The following EPS8 variants were observed in gnomAD, a reference collection of about 807,000 sequenced individuals.
The protein encoded by EPS8 is EGFR pathway substrate 8, signaling adaptor.
Under a neutral mutation model 103.8 loss-of-function variants are expected in EPS8, and 42 were observed. The observed-to-expected ratio is 0.40, with a 90% CI of 0.32 to 0.52. EPS8 has a LOEUF of 0.52. Ranked by LOEUF, EPS8 falls within the 20% of genes least tolerant of loss-of-function variation. The pLI, the probability that EPS8 is intolerant of heterozygous loss-of-function variation, is 0.40. For missense variants in EPS8, 969 were observed against 1,005.1 expected (o/e 0.96, Z 0.49); for synonymous variants, 344 against 344.6 (o/e 1.00, Z 0.02).
chr12:15,657,674 A>C (rs918252100), intron 12 of EPS8, among the ~76,000 whole-genome samples: 2 of 152,238 alleles, frequency 1.3e-5, no homozygotes, highest in African/African-American at 4.8e-5. Flanking sequence ...GATAAAAAGA[A>C]CATGGGTCTC....
chr12:15,657,492 AC>A (rs1438776170), intron 12 of EPS8, among the ~76,000 whole-genome samples: 1 of 152,118 alleles, frequency 6.6e-6, no homozygotes, highest in Admixed American at 6.6e-5. Context: ...GTTATTGGCT[AC>A]CCCACTATGT....
chr12:15,755,343 C>A (rs1946975593), intron 1 of EPS8, among the ~76,000 whole-genome samples: 1 of 152,092 alleles, frequency 6.6e-6, no homozygotes, highest in African/African-American at 2.4e-5. Flanking sequence ...AACTGAGATA[C>A]TGTTGTTGGA....
rs1215076139 is a variant in EPS8 at position 15,714,751 on chromosome 12, C to A, written c.-21-31779G>T. Among the ~76,000 whole-genome samples, 24 of 152,192 alleles carry A rather than the reference C, an allele frequency of 1.6e-4. No homozygotes were observed. The highest frequency in any genetic ancestry group is 1.5e-3 in the Admixed American group (23 of 15,286). On this transcript the variant is annotated intron_variant, in intron 1 of 20. Coordinates refer to ENST00000281172, the MANE Select transcript of EPS8 (RefSeq NM_004447.6). The surrounding 1 kb of genome is among the most constrained non-coding windows in gnomAD (Gnocchi z 4.1). ...ACAAAAATACATTCTCTGTATAGTG[C>A]ACTCAGAGTTTTCATCAGGTTTCTA...
intron 17 of EPS8, among the ~76,000 whole-genome samples, chr12:15,637,602 G>A (rs1392776824): frequency 1.3e-5 from 2 of 152,216 alleles, no homozygotes; most frequent in Non-Finnish European, 2.9e-5. Context: ...GAGTATCTGT[G>A]AATGTTGTTT....
chr12:15,766,858 C>T (rs1393080095), intron 1 of EPS8, among the ~76,000 whole-genome samples: 3 of 152,150 alleles, frequency 2.0e-5, no homozygotes, highest in Non-Finnish European at 2.9e-5. Flanking sequence ...GCCAAAATCA[C>T]TCAGTCATTA....
At position 15,688,524 on chromosome 12, in the gene EPS8, G is replaced by T. The variant is rs1946126681; in HGVS notation, c.-21-5552C>A. Among the ~76,000 whole-genome samples, 1 of 152,090 alleles carries T rather than the reference G, an allele frequency of 6.6e-6. No homozygotes were observed. Among genetic ancestry groups the T allele is most frequent in the Non-Finnish European group, 1.5e-5 (1 of 68,024 alleles). On this transcript the variant is annotated intron_variant, in intron 1 of 20. Transcript: ENST00000281172. This position sits in a 1 kb window ranked among gnomAD's most constrained non-coding sequence, Gnocchi z 5.1. ...TGCCTATAAACACCCTGAGAACCTA[G>T]CAGGCAGGCACATAAGCAGCTGGAC...
At chr12:15,641,038 T>A (rs1591811646) in intron 16 of EPS8, among the ~76,000 whole-genome samples, 192 bp from the exon 17 acceptor site, 4 of 152,156 alleles carry the variant, frequency 2.6e-5, no homozygotes, top group Non-Finnish European at 5.9e-5. Context: ...TAAGGTATCA[T>A]TATGGTGAAT....
Position 15,688,854 on chromosome 12 carries a change from G to A in EPS8, c.-21-5882C>T, listed in dbSNP as rs1015603960. 3.3e-5 allele frequency among the ~76,000 whole-genome samples: 5 copies of A among 152,186 alleles called. No homozygotes were observed. Among genetic ancestry groups the A allele is most frequent in the African/African-American group, 1.2e-4 (5 of 41,452 alleles). Reference sequence around the variant, plus strand: ...GATCTAATTGAGCTGGTTAACACAAGCTGTCTATAGACAGCAAAACTAAAA... The same window carrying A: ...GATCTAATTGAGCTGGTTAACACAAACTGTCTATAGACAGCAAAACTAAAA... On this transcript the variant is annotated intron_variant, in intron 1 of 20. Transcript: ENST00000281172. This position sits in a 1 kb window ranked among gnomAD's most constrained non-coding sequence, Gnocchi z 5.1.
At chr12:15,661,698 T>C (rs1297995539) in intron 9 of EPS8, among the ~76,000 whole-genome samples, 1 of 152,174 alleles carries the variant, frequency 6.6e-6, no homozygotes, top group African/African-American at 2.4e-5. Flanking sequence ...TAAAAAGATA[T>C]TTCAATTATG....
intron 1 of EPS8, among the ~76,000 whole-genome samples, chr12:15,737,678 G>C (rs1177269105): frequency 1.3e-5 from 2 of 152,086 alleles, no homozygotes; most frequent in Non-Finnish European, 2.9e-5. Context: ...CAGAAAGTCC[G>C]GCTTCAGAGC....
intron 1 of EPS8, among the ~76,000 whole-genome samples, chr12:15,720,226 G>A (rs1227798829): frequency 2.0e-5 from 3 of 152,038 alleles, no homozygotes; most frequent in Non-Finnish European, 4.4e-5. Flanking sequence ...GTAATAAATG[G>A]TAGATTTAAA....
At position 15,757,187 on chromosome 12, in the gene EPS8, C is replaced by T. The variant is rs566884216; in HGVS notation, c.-22+31974G>A. On this transcript the variant is annotated intron_variant, in intron 1 of 20. Coordinates refer to ENST00000281172, the MANE Select transcript of EPS8 (RefSeq NM_004447.6). The surrounding 1 kb of genome is among the most constrained non-coding windows in gnomAD (Gnocchi z 4.1). ...ATGGAGAGACTGAATAAAATGATTT[C>T]TAAAATTGTTACCATTTTAAATACC... 6.6e-6 allele frequency among the ~76,000 whole-genome samples: 1 copy of T among 152,128 alleles called. No homozygotes were observed. The highest frequency in any genetic ancestry group is 6.5e-5 in the Admixed American group (1 of 15,270).
intron 1 of EPS8, among the ~76,000 whole-genome samples, chr12:15,732,258 T>A (rs917486263): frequency 6.6e-6 from 1 of 152,202 alleles, no homozygotes; most frequent in Non-Finnish European, 1.5e-5. Flanking sequence ...TGATCTACTG[T>A]ATCGAGACCT....
chr12:15,736,616 A>G lies in EPS8; in HGVS notation c.-22+52545T>C, dbSNP rs1269988079. Among the ~76,000 whole-genome samples the G allele has an allele frequency of 6.6e-6, 1 of 152,206 alleles. No individual in the cohort carries two copies. The stretch of plus-strand genomic sequence containing the variant: ...AGGTTCTAATGAAGTTAGTAAGCAA[A>G]TCAATCCGCAGCAGGTTAGAAGCAT... On this transcript the variant is annotated intron_variant, in intron 1 of 20. Transcript: ENST00000281172. This position sits in a 1 kb window ranked among gnomAD's most constrained non-coding sequence, Gnocchi z 4.2.
In EPS8 at chr12:15,666,451, G is replaced by A. The variant is rs145159890; in HGVS notation, c.588C>T (p.Pro196=). The part of the protein sequence containing the change: ...DSKGGKQKRR[P]DALRMISNAD... ...TTCAATGCTTTTACCTCAGGGCGTCGGGCCGCCTCTTCTGTTTCCCTCCTT... is the reference window on the plus strand; with the variant it reads ...TTCAATGCTTTTACCTCAGGGCGTCAGGCCGCCTCTTCTGTTTCCCTCCTT... The change falls in exon 7 of 21, where the codon CCC becomes CCT. Residue 196 remains proline, a synonymous_variant. Coordinates refer to ENST00000281172, the MANE Select transcript of EPS8 (RefSeq NM_004447.6). The A allele has an allele frequency of 2.6e-4, 422 of 1,612,830 alleles. 1 individual carries two copies. The East Asian group carries it at 3.7e-3, about 14-fold the overall frequency.
chr12:15,626,279 C>A (rs1944943619), intron 18 of EPS8, among the ~76,000 whole-genome samples: 1 of 152,256 alleles, frequency 6.6e-6, no homozygotes, highest in South Asian at 2.1e-4. Context: ...TGCTTCCACT[C>A]CCTACCACCC....
intron 1 of EPS8, among the ~76,000 whole-genome samples, chr12:15,712,610 A>G (rs1009433767): frequency 6.6e-6 from 1 of 152,172 alleles, no homozygotes; most frequent in Non-Finnish European, 1.5e-5. Flanking sequence ...AATCCTTTGA[A>G]TCTCCACCTC....
At chr12:15,685,661 T>C (rs1180594777) in intron 1 of EPS8, among the ~76,000 whole-genome samples, 2 of 152,206 alleles carry the variant, frequency 1.3e-5, no homozygotes, top group East Asian at 3.8e-4. Flanking sequence ...CTTTTTGTCA[T>C]TTGGCAATCA....
intron 1 of EPS8, among the ~76,000 whole-genome samples, chr12:15,709,833 G>A (rs115514206): frequency 0.011 from 1,666 of 152,308 alleles, 45 homozygotes; most frequent in African/African-American, 0.038. Context: ...GCAGGAGTAG[G>A]CGGGATGGAT....
Sources: allele counts gnomAD v4.1 joint callset (sites outside exome capture counted in the v4.1 genomes callset), GRCh38; gene constraint gnomAD v4.1.1; non-coding constraint Gnocchi (gnomAD v3.1); transcripts MANE v1.5; gene names NCBI Gene and HGNC (gene_info 2026-07-23, HGNC 2026-07-21).